The following KIF26A variants were observed in gnomAD, a reference collection of about 807,000 sequenced individuals.
KIF26A encodes the protein kinesin family member 26A.
A neutral mutation model predicts 126.0 loss-of-function variants in KIF26A; 74 were observed. That is an observed-to-expected ratio of 0.59 (90% CI 0.49 to 0.71). KIF26A has a LOEUF of 0.71. Among genes scored for constraint, KIF26A ranks in the 30% least tolerant of loss-of-function variants. The pLI, the probability that KIF26A is intolerant of heterozygous loss-of-function variation, is 0.00. For synonymous variants in KIF26A, 1,445 were observed against 1,232.7 expected, an observed-to-expected ratio of 1.17 and a Z score of -3.61; for missense variants, 2,984 against 2,763.3, an observed-to-expected ratio of 1.08 and a Z score of -1.79.
intron 2 of KIF26A, among the ~76,000 whole-genome samples, chr14:104,142,313 G>A (rs2037644790): frequency 6.6e-6 from 1 of 151,722 alleles, no homozygotes; most frequent in African/African-American, 2.4e-5. Context: ...ATGGGACTCT[G>A]GCCGTGGCTC....
In KIF26A at chr14:104,151,422, C is replaced by T. The variant is rs940365671; in HGVS notation, c.289-593C>T. Among the ~76,000 whole-genome samples the T allele has an allele frequency of 2.8e-4, 42 of 152,334 alleles. No homozygotes were observed. The East Asian group carries it at 7.7e-3, about 28-fold the overall frequency. ...GGGGGGTGGGGCCCTGGGCTGTACC[C>T]GATCCTGCGGCTCTTGCGCCCCTTC... On this transcript the variant is annotated intron_variant, in intron 2 of 14. Coordinates refer to ENST00000423312, the MANE Select transcript of KIF26A (RefSeq NM_015656.2). The surrounding 1 kb of genome is among the most constrained non-coding windows in gnomAD (Gnocchi z 4.9).
chr14:104,176,702 C>T lies in KIF26A; in HGVS notation c.3914C>T (p.Pro1305Leu), dbSNP rs771670278. The T allele has an allele frequency of 4.5e-5, 71 of 1,588,764 alleles. No individual in the cohort carries two copies. The highest frequency in any genetic ancestry group is 1.7e-4 in the Middle Eastern group (1 of 5,966). ...CCAGAGGCTGTGGCTCGGATCCCAC[C>T]GCTGCGGAGGGGTGCCACCACGCTG... is the stretch of plus-strand genomic sequence containing the variant. ...RRPEAVARIP[P>L]LRRGATTLGV... The change falls in exon 12 of 15, where the codon CCG becomes CTG. Residue 1305 changes from proline to leucine, a missense_variant. Physicochemically the swap from Pro to Leu is moderately conservative, Grantham distance 98. Coordinates refer to ENST00000423312, the MANE Select transcript of KIF26A (RefSeq NM_015656.2).
At chr14:104,167,969 G>A (rs1470993080) in intron 5 of KIF26A, among the ~76,000 whole-genome samples, 1 of 152,188 alleles carries the variant, frequency 6.6e-6, no homozygotes, top group African/African-American at 2.4e-5. Flanking sequence ...AGGTCTGGAG[G>A]GGACGCTGTG....
intron 6 of KIF26A, 22 bp downstream of exon 6, chr14:104,171,957 G>A (rs962997464): frequency 1.9e-6 from 3 of 1,544,096 alleles, no homozygotes; most frequent in African/African-American, 2.7e-5. Flanking sequence ...CGGACTGGGC[G>A]TCCTCCCGGA....
intron 2 of KIF26A, among the ~76,000 whole-genome samples, chr14:104,142,409 C>T (rs889500974): frequency 6.9e-6 from 1 of 145,110 alleles, no homozygotes; most frequent in Non-Finnish European, 1.6e-5. Flanking sequence ...CTTCAGGACC[C>T]CCATGGCCTG....
chr14:104,177,438 G>C lies in KIF26A; in HGVS notation c.4650G>C (p.Arg1550=). The C allele has an allele frequency of 1.3e-6, 2 of 1,520,462 alleles. No individual in the cohort carries two copies. Among genetic ancestry groups the C allele is most frequent in the Non-Finnish European group, 1.8e-6 (2 of 1,137,872 alleles). The allele number at this position is 1,520,462 out of a possible 1,614,324, so 94.2% of individuals were successfully genotyped here. A position where few individuals can be genotyped will look rare whatever the true frequency, so the allele number is the denominator to read the frequency against. ...AGPSVGAKAG[R]GTVMGTKQAL... is the part of the protein sequence containing the mutation. ...CCAGTGTCGGGGCGAAGGCTGGCCG[G>C]GGTACCGTCATGGGCACAAAGCAGG... is the stretch of plus-strand genomic sequence containing the variant. The change falls in exon 12 of 15, where the codon CGG becomes CGC. Residue 1550 remains arginine, a synonymous_variant. Transcript: ENST00000423312.
At chr14:104,172,060 C>T (rs1327973848) in intron 6 of KIF26A, 125 bp downstream of exon 6, 15 of 911,450 alleles carry the variant, frequency 1.6e-5, no homozygotes, top group Non-Finnish European at 2.4e-5. Flanking sequence ...GAGGGGCCCG[C>T]TGCCTGCGGC....
chr14:104,176,379 G>T lies in KIF26A; in HGVS notation c.3591G>T (p.Ser1197=). ...RPGREPQAGP[S]RWASAAQTIH... is the part of the protein sequence containing the mutation. ...GCAGGGAGCCCCAGGCCGGGCCCTC[G>T]CGGTGGGCATCCGCAGCCCAGACCA... The change falls in exon 12 of 15, where the codon TCG becomes TCT. Residue 1197 remains serine (S), a synonymous_variant. Transcript: ENST00000423312. 3 of 1,585,420 alleles carry T rather than the reference G, an allele frequency of 1.9e-6. No homozygotes were observed. Among genetic ancestry groups the T allele is most frequent in the Non-Finnish European group, 2.6e-6 (3 of 1,163,022 alleles).
chr14:104,176,445 C>T lies in KIF26A; in HGVS notation c.3657C>T (p.Ala1219=), dbSNP rs1042577605. The part of the protein sequence containing the change: ...SLPRKPRTAS[A]TTRVGCARLG... ...CCCGGAAACCGAGGACTGCCTCTGC[C>T]ACCACCCGTGTGGGCTGTGCTCGCC... The change falls in exon 12 of 15, where the codon GCC becomes GCT. Residue 1219 remains alanine, a synonymous_variant. Transcript: ENST00000423312. 8.1e-6 allele frequency: 13 copies of T among 1,602,256 alleles called. No individual in the cohort carries two copies. The highest frequency in any genetic ancestry group is 2.2e-5 in the South Asian group (2 of 90,718).
rs781582334 is a variant in KIF26A at position 104,177,882 on chromosome 14, C to T, written c.5094C>T (p.Pro1698=). The T allele has an allele frequency of 1.9e-6, 3 of 1,541,398 alleles. No individual in the cohort carries two copies. The South Asian group carries it at 3.6e-5, about 19-fold the overall frequency. ...CCCGCACCCGCAGCCTCAAGTCCCC[C>T]AAGAAGAGGGCCACAGGTGGGTGCA... is the stretch of plus-strand genomic sequence containing the variant. ...PGARTRSLKS[P]KKRATGLQRR... Residue 1698 remains proline (P), a synonymous_variant, in exon 12 of 15, where the codon CCC becomes CCT. Coordinates refer to ENST00000423312, the MANE Select transcript of KIF26A (RefSeq NM_015656.2).
At chr14:104,138,898 G>T in intron 1 of KIF26A, 134 bp downstream of exon 1, 1 of 1,251,026 alleles carries the variant, frequency 8.0e-7, no homozygotes. Flanking sequence ...GGGACCTCCG[G>T]GGATGGAGGG....
Position 104,157,842 on chromosome 14 carries a change from T to C in KIF26A, c.823T>C (p.Trp275Arg). Reference sequence around the variant, plus strand: ...CGGCCCTGATGGCTTGTCGAAGGCCTGGGGCCGTGGTGGAGTCTGCACGTC... The same window carrying C: ...CGGCCCTGATGGCTTGTCGAAGGCCCGGGGCCGTGGTGGAGTCTGCACGTC... ...VAGPDGLSKA[W>R]GRGGVCTSAL... Residue 275 changes from tryptophan (W) to arginine (R), a missense_variant, in exon 4 of 15, where the codon TGG becomes CGG. By Grantham distance (101) the Trp-to-Arg change is moderately radical (BLOSUM62 -3). Coordinates refer to ENST00000423312, the MANE Select transcript of KIF26A (RefSeq NM_015656.2). The C allele has an allele frequency of 6.2e-7, 1 of 1,608,890 alleles. No homozygotes were observed. The highest frequency in any genetic ancestry group is 1.1e-5 in the South Asian group (1 of 90,704).
chr14:104,171,770 G>C lies in KIF26A; in HGVS notation c.1161G>C (p.Ser387=), dbSNP rs978827823. 15 of 1,580,718 alleles carry C rather than the reference G, an allele frequency of 9.5e-6. No individual in the cohort carries two copies. Among genetic ancestry groups the C allele is most frequent in the Non-Finnish European group, 1.1e-5 (13 of 1,164,486 alleles). ...RIWPAQGAQR[S]AEAMSFLKVD... ...GGCCCGCACAGGGGGCCCAGCGCTC[G>C]GCCGAGGCCATGTCCTTCCTGAAGG... Residue 387 remains serine (S), a synonymous_variant, in exon 6 of 15, where the codon TCG becomes TCC. Transcript: ENST00000423312.
At chr14:104,172,769 C>T (rs936903925) in intron 7 of KIF26A, 101 bp downstream of exon 7, 21 of 1,117,898 alleles carry the variant, frequency 1.9e-5, no homozygotes, top group Non-Finnish European at 2.6e-5. Flanking sequence ...GGAGGCTGGT[C>T]CTACACATGG....
rs1401036798 is a variant in KIF26A at position 104,179,232 on chromosome 14, C to T, written c.5317-4C>T. On this transcript the variant is annotated splice_polypyrimidine_tract_variant and splice_region_variant and intron_variant, in intron 13 of 14. Transcript: ENST00000423312. ...CCTGAGCCCCCGCCCGCCCTGCCTCCCAGGGTCTGGCGTGCGTCAGTACAA... is the reference window on the plus strand; with the variant it reads ...CCTGAGCCCCCGCCCGCCCTGCCTCTCAGGGTCTGGCGTGCGTCAGTACAA... 2 of 1,467,954 alleles carry T rather than the reference C, an allele frequency of 1.4e-6. No individual in the cohort carries two copies. The highest frequency in any genetic ancestry group is 1.8e-6 in the Non-Finnish European group (2 of 1,114,474). The allele number at this position is 1,467,954 out of a possible 1,614,324, so 90.9% of individuals were successfully genotyped here. A position where few individuals can be genotyped will look rare whatever the true frequency, so the allele number is the denominator to read the frequency against.
rs1335800823 is a variant in KIF26A, at chr14:104,176,807, C to T, written c.4019C>T (p.Pro1340Leu). The stretch of plus-strand genomic sequence containing the variant: ...TGCTCGGGGAGCCTGAAGGCCTCCC[C>T]CACCAGCAAGAAGGGTCTGGCTCCC... ...VACSGSLKAS[P>L]TSKKGLAPKA... is the part of the protein sequence containing the mutation. The change falls in exon 12 of 15, where the codon CCC (proline) becomes CTC (leucine). Residue 1340 changes from proline to leucine, a missense_variant. Coordinates refer to ENST00000423312, the MANE Select transcript of KIF26A (RefSeq NM_015656.2). 7 of 1,562,918 alleles carry T rather than the reference C, an allele frequency of 4.5e-6. No individual in the cohort carries two copies. Among genetic ancestry groups the T allele is most frequent in the African/African-American group, 1.4e-5 (1 of 73,656 alleles).
chr14:104,166,202 G>A (rs1166284776), intron 4 of KIF26A, among the ~76,000 whole-genome samples: 2 of 150,584 alleles, frequency 1.3e-5, no homozygotes, highest in Non-Finnish European at 3.0e-5. Flanking sequence ...GCTGGGCAGT[G>A]GCTCCAGGAT....
At chr14:104,178,046 A>G in intron 12 of KIF26A, 148 bp downstream of exon 12, 1 of 946,144 alleles carries the variant, frequency 1.1e-6, no homozygotes, top group Non-Finnish European at 1.5e-6. Context: ...TGGACGGTTT[A>G]CAGACTCGCC....
chr14:104,151,477 TC>T lies in KIF26A; in HGVS notation c.289-536del, dbSNP rs145313170. 0.014 allele frequency among the ~76,000 whole-genome samples: 2,138 copies of T among 152,292 alleles called. 56 individuals are homozygous for T. The highest frequency in any genetic ancestry group is 0.05 in the African/African-American group (2,061 of 41,552). ...AGCTCATGTGCCCTCTAGGAGCGTCTCCGAGGGAGGCCTTCGCTTCTGTTGA... is the reference window on the plus strand; with the variant it reads ...AGCTCATGTGCCCTCTAGGAGCGTCTCGAGGGAGGCCTTCGCTTCTGTTGA... On this transcript the variant is annotated intron_variant, in intron 2 of 14. Transcript: ENST00000423312. The surrounding 1 kb of genome is among the most constrained non-coding windows in gnomAD (Gnocchi z 4.9).
Sources: gnomAD v4.1 joint callset for allele counts (sites outside exome capture counted in the v4.1 genomes callset) on GRCh38, gnomAD v4.1.1 for gene constraint, Gnocchi (gnomAD v3.1) non-coding constraint, MANE v1.5 for transcripts, NCBI Gene and HGNC (gene_info 2026-07-23, HGNC 2026-07-21) for gene names.